SPMIP2: variants seen among roughly 807,000 people sequenced by gnomAD.
SPMIP2 encodes protein SPMIP2.
chr4:158,938,134 A>G, the SPMIP2 span, among the ~76,000 whole-genome samples: 17 of 152,242 alleles, frequency 1.1e-4, no homozygotes, highest in Non-Finnish European at 1.6e-4. Context: ...TATGATACCC[A>G]TGCTGTCTGG....
the SPMIP2 span, among the ~76,000 whole-genome samples, chr4:158,993,433 A>T: frequency 2.0e-5 from 3 of 151,964 alleles, no homozygotes; most frequent in East Asian, 5.8e-4. Flanking sequence ...GAGAAAGGGA[A>T]AATTCCATCC....
chr4:158,989,728 A>G, the SPMIP2 span, among the ~76,000 whole-genome samples: 101 of 152,352 alleles, frequency 6.6e-4, no homozygotes, highest in African/African-American at 2.4e-3. Flanking sequence ...ACAAAAATTA[A>G]CTCAAGATGG....
the SPMIP2 span, among the ~76,000 whole-genome samples, chr4:158,945,775 T>C: frequency 1.3e-5 from 2 of 152,158 alleles, no homozygotes; most frequent in Non-Finnish European, 2.9e-5. Flanking sequence ...AAATTCAAAA[T>C]CTTTGAACTA....
the SPMIP2 span, among the ~76,000 whole-genome samples, chr4:158,961,470 C>T: frequency 6.6e-6 from 1 of 152,074 alleles, no homozygotes; most frequent in Non-Finnish European, 1.5e-5. Flanking sequence ...AAACTTTGAA[C>T]ATAATCTGCA....
the SPMIP2 span, among the ~76,000 whole-genome samples, chr4:158,914,600 G>A: frequency 5.3e-5 from 8 of 152,142 alleles, no homozygotes; most frequent in South Asian, 4.1e-4. Flanking sequence ...TATTATTGGC[G>A]TATGGTTTGT....
chr4:159,050,082 TC>T, the SPMIP2 span, among the ~76,000 whole-genome samples: 2 of 152,232 alleles, frequency 1.3e-5, no homozygotes, highest in African/African-American at 4.8e-5. Context: ...CCTGGGCTGC[TC>T]TTTTTGACCC....
the SPMIP2 span, among the ~76,000 whole-genome samples, chr4:158,902,571 A>C: frequency 1.3e-5 from 2 of 152,198 alleles, no homozygotes; most frequent in African/African-American, 4.8e-5. Flanking sequence ...AAGTCTGCTG[A>C]AGCTGTGCCT....
chr4:158,947,018 C>G, the SPMIP2 span, among the ~76,000 whole-genome samples: 1 of 152,116 alleles, frequency 6.6e-6, no homozygotes, highest in Non-Finnish European at 1.5e-5. Flanking sequence ...TCCTGAGAAC[C>G]CTACTCCCCC....
At chr4:158,969,940 A>G in the SPMIP2 span, among the ~76,000 whole-genome samples, 2 of 152,174 alleles carry the variant, frequency 1.3e-5, no homozygotes, top group Admixed American at 6.5e-5. Context: ...TGGGACAAGG[A>G]AGAGCAAGGG....
At chr4:159,035,232 C>T in the SPMIP2 span, 1 of 651,850 alleles carries the variant, frequency 1.5e-6, no homozygotes, top group Admixed American at 2.8e-5. Flanking sequence ...TTGCTAATGA[C>T]TCTTTATGAC....
chr4:158,911,633 C>T, the SPMIP2 span, among the ~76,000 whole-genome samples: 2 of 152,216 alleles, frequency 1.3e-5, no homozygotes, highest in Admixed American at 1.3e-4. Context: ...CCTTGCTACT[C>T]AAGGTCCTCA....
At chr4:158,963,131 A>G in the SPMIP2 span, among the ~76,000 whole-genome samples, 2 of 152,244 alleles carry the variant, frequency 1.3e-5, no homozygotes, top group Non-Finnish European at 2.9e-5. Context: ...TGCTTGTAAC[A>G]CTATAATTTA....
At chr4:158,916,619 A>ATATGTATGTATATATG in the SPMIP2 span, among the ~76,000 whole-genome samples, 1 of 150,618 alleles carries the variant, frequency 6.6e-6, no homozygotes, top group Non-Finnish European at 1.5e-5. Flanking sequence ...ATGTATGTAC[A>ATATGTATGTATATATG]TATGTATGTA....
At chr4:159,068,009 C>A in the SPMIP2 span, among the ~76,000 whole-genome samples, 1 of 152,198 alleles carries the variant, frequency 6.6e-6, no homozygotes, top group Non-Finnish European at 1.5e-5. Flanking sequence ...AGTCAGGAAA[C>A]AACAGTTGCT....
At chr4:158,894,165 GTTTT>G in the SPMIP2 span, among the ~76,000 whole-genome samples, 3 of 129,818 alleles carry the variant, frequency 2.3e-5, no homozygotes, top group Non-Finnish European at 4.9e-5. Context: ...TTTAAAAAAT[GTTTT>G]CTTTTTTTTT....
the SPMIP2 span, among the ~76,000 whole-genome samples, chr4:158,999,647 G>C: frequency 2.0e-5 from 3 of 152,160 alleles, no homozygotes; most frequent in African/African-American, 7.2e-5. Flanking sequence ...AAGACACCCA[G>C]GGAACTGGCT....
the SPMIP2 span, among the ~76,000 whole-genome samples, chr4:159,072,350 T>C: frequency 6.6e-6 from 1 of 152,114 alleles, no homozygotes; most frequent in African/African-American, 2.4e-5. Flanking sequence ...TAGAAGTTTG[T>C]AGATTGAGGA....
At chr4:159,020,003 C>A in the SPMIP2 span, among the ~76,000 whole-genome samples, 550 of 152,136 alleles carry the variant, frequency 3.6e-3, 4 homozygotes, top group African/African-American at 0.013. Flanking sequence ...GCCTGTAACC[C>A]CAGCTACTCA....
the SPMIP2 span, among the ~76,000 whole-genome samples, chr4:158,896,565 T>C: frequency 6.6e-6 from 1 of 152,222 alleles, no homozygotes; most frequent in African/African-American, 2.4e-5. Flanking sequence ...ATATTTATAA[T>C]GTCGACGTTT....
Sources: gnomAD v4.1 joint callset for allele counts (sites outside exome capture counted in the v4.1 genomes callset) on GRCh38, gnomAD v4.1.1 for gene constraint, MANE v1.5 for transcripts, NCBI Gene and HGNC (gene_info 2026-07-23, HGNC 2026-07-21) for gene names.